The following CCSER1 variants were observed in gnomAD, a reference collection of about 807,000 sequenced individuals.
CCSER1 encodes coiled-coil serine rich protein 1, also known as serine-rich coiled-coil domain-containing protein 1.
CCSER1 carries 41 observed loss-of-function variants against 82.0 expected under a neutral mutation model. That is an observed-to-expected ratio of 0.50 (90% CI 0.39 to 0.65). CCSER1 has a LOEUF of 0.65. Among genes scored for constraint, CCSER1 ranks in the 30% least tolerant of loss-of-function variants. The pLI is 0.00. For synonymous variants in CCSER1, 414 were observed against 383.9 expected (o/e 1.08, Z -0.92); for missense variants, 1,119 against 1,064.2 (o/e 1.05, Z -0.72).
intron 8 of CCSER1, among the ~76,000 whole-genome samples, chr4:90,921,489 T>A (rs2150243521): frequency 6.6e-6 from 1 of 152,140 alleles, no homozygotes; most frequent in African/African-American, 2.4e-5. Context: ...GTTCCAAAGA[T>A]AACTGTTCCT....
intron 9 of CCSER1, among the ~76,000 whole-genome samples, chr4:90,994,190 G>A (rs1581280293): frequency 7.0e-5 from 2 of 28,430 alleles, no homozygotes; most frequent in South Asian, 1.6e-3. Context: ...TAAGCAACAT[G>A]TAGAGATGGA....
At chr4:91,445,284 T>G (rs1755478738) in intron 10 of CCSER1, among the ~76,000 whole-genome samples, 1 of 152,146 alleles carries the variant, frequency 6.6e-6, no homozygotes, top group African/African-American at 2.4e-5. Context: ...TATTATTTTA[T>G]TATATGGTGG....
intron 10 of CCSER1, among the ~76,000 whole-genome samples, chr4:91,500,358 A>G (rs1378627929): frequency 1.3e-5 from 2 of 152,032 alleles, no homozygotes; most frequent in Non-Finnish European, 2.9e-5. Flanking sequence ...AGTTATTTAT[A>G]TATTTTGGAT....
intron 10 of CCSER1, among the ~76,000 whole-genome samples, chr4:91,564,504 C>T (rs531420610): frequency 6.6e-6 from 1 of 152,140 alleles, no homozygotes; most frequent in East Asian, 1.9e-4. Context: ...AATTTACACT[C>T]CCACCAACAG....
intron 5 of CCSER1, among the ~76,000 whole-genome samples, chr4:90,626,613 T>C (rs958806094): frequency 4.6e-5 from 7 of 152,190 alleles, no homozygotes; most frequent in Admixed American, 3.9e-4. Context: ...CCACACAAAA[T>C]GCAGCACTGT....
chr4:90,139,945 G>A (rs948376819), intron 1 of CCSER1, among the ~76,000 whole-genome samples: 1 of 152,016 alleles, frequency 6.6e-6, no homozygotes, highest in African/African-American at 2.4e-5. Flanking sequence ...GGGCGACAGA[G>A]TGAGACTCCA....
intron 5 of CCSER1, among the ~76,000 whole-genome samples, chr4:90,481,826 A>T (rs1450052832): frequency 6.6e-6 from 1 of 152,166 alleles, no homozygotes; most frequent in Middle Eastern, 3.2e-3. Flanking sequence ...TTGGTCTAAA[A>T]TTCTCTTTTT....
At chr4:90,764,365 T>A (rs748764427) in intron 7 of CCSER1, among the ~76,000 whole-genome samples, 1 of 152,202 alleles carries the variant, frequency 6.6e-6, no homozygotes, top group Non-Finnish European at 1.5e-5. Context: ...AAGCCATTCA[T>A]CTGCTATACA....
At chr4:91,230,121 C>T (rs903072365) in intron 10 of CCSER1, among the ~76,000 whole-genome samples, 14 of 152,074 alleles carry the variant, frequency 9.2e-5, no homozygotes, top group Non-Finnish European at 1.8e-4. Context: ...AAAAGTCCTC[C>T]AAAATAAACT....
At chr4:91,298,937 G>A (rs1055377738) in intron 10 of CCSER1, among the ~76,000 whole-genome samples, 3 of 151,896 alleles carry the variant, frequency 2.0e-5, no homozygotes, top group African/African-American at 7.2e-5. Context: ...GTGTCTAGAC[G>A]AGCAGCAGCA....
chr4:91,017,845 A>AT, intron 9 of CCSER1, among the ~76,000 whole-genome samples: 3 of 150,072 alleles, frequency 2.0e-5, no homozygotes, highest in East Asian at 1.9e-4. Context: ...GTGTGTGTAT[A>AT]AATTTTTTTA....
chr4:91,452,664 C>T (rs1265069731), intron 10 of CCSER1, among the ~76,000 whole-genome samples: 2 of 152,010 alleles, frequency 1.3e-5, no homozygotes, highest in Non-Finnish European at 2.9e-5. Context: ...GAAATTCATA[C>T]ATCTTAAAAC....
intron 3 of CCSER1, among the ~76,000 whole-genome samples, chr4:90,355,234 A>G (rs961006476): frequency 6.6e-6 from 1 of 152,012 alleles, no homozygotes; most frequent in African/African-American, 2.4e-5. Context: ...CATTCTTCCT[A>G]TTTATCAAAT....
At chr4:90,633,269 T>C (rs1206671499) in intron 6 of CCSER1, among the ~76,000 whole-genome samples, 3 of 152,092 alleles carry the variant, frequency 2.0e-5, no homozygotes, top group Non-Finnish European at 4.4e-5. Context: ...ACTTGAGTGC[T>C]TGATGGAATG....
chr4:90,821,815 A>G (rs964344281), intron 8 of CCSER1, among the ~76,000 whole-genome samples: 3 of 152,100 alleles, frequency 2.0e-5, no homozygotes, highest in Non-Finnish European at 4.4e-5. Context: ...GAAGAATGCC[A>G]TGTAATTTTA....
Position 90,315,142 on chromosome 4 carries a change from G to C in CCSER1, c.1509+2095G>C, listed in dbSNP as rs937788978. ...TGGGATTACAAGCGTGAGCCACCAC[G>C]CTCAGCCCTCCGATCCGCTTTTAAG... On this transcript the variant is annotated intron_variant, in intron 3 of 10. Transcript: ENST00000509176. Among the ~76,000 whole-genome samples, 13 of 152,114 alleles carry C rather than the reference G, an allele frequency of 8.5e-5. No individual in the cohort carries two copies. In the East Asian group the frequency reaches 1.9e-3, roughly 23 times the overall value.
At chr4:90,617,982 T>C (rs1454868670) in intron 5 of CCSER1, among the ~76,000 whole-genome samples, 1 of 152,090 alleles carries the variant, frequency 6.6e-6, no homozygotes, top group Non-Finnish European at 1.5e-5. Flanking sequence ...AGTGGGTATG[T>C]CAAGGCATTT....
intron 9 of CCSER1, among the ~76,000 whole-genome samples, chr4:91,037,579 C>G (rs1027752232): frequency 8.1e-6 from 1 of 124,140 alleles, no homozygotes; most frequent in Non-Finnish European, 1.8e-5. Flanking sequence ...GATATTTCTA[C>G]TTTTCCTTCT....
intron 10 of CCSER1, among the ~76,000 whole-genome samples, chr4:91,442,144 A>T (rs1166407156): frequency 6.6e-6 from 1 of 151,648 alleles, no homozygotes; most frequent in Non-Finnish European, 1.5e-5. Context: ...ATGGAACCAA[A>T]AAAGAGCCCA....
Sources: gnomAD v4.1 joint callset for allele counts (sites outside exome capture counted in the v4.1 genomes callset) on GRCh38, gnomAD v4.1.1 for gene constraint, MANE v1.5 for transcripts, NCBI Gene and HGNC (gene_info 2026-07-23, HGNC 2026-07-21) for gene names.